The following CATSPER3 variants were observed in gnomAD, a reference collection of about 807,000 sequenced individuals.
The protein encoded by CATSPER3 is cation channel sperm associated 3, also known as cation channel sperm-associated protein 3.
Under a neutral mutation model 36.6 loss-of-function variants are expected in CATSPER3, and 23 were observed. The observed-to-expected ratio is 0.63, with a 90% CI of 0.45 to 0.89. The LOEUF is 0.89. Among genes scored for constraint, CATSPER3 ranks in the 40% least tolerant of loss-of-function variants. CATSPER3 has a pLI of 0.00. For synonymous variants in CATSPER3, 172 were observed against 184.1 expected (o/e 0.93, Z 0.53); for missense variants, 474 against 503.9 (o/e 0.94, Z 0.57).
At chr5:134,978,992 G>A in intron 2 of CATSPER3, among the ~76,000 whole-genome samples, 1 of 152,116 alleles carries the variant, frequency 6.6e-6, no homozygotes, top group East Asian at 1.9e-4. Flanking sequence ...AAAGTGCTGG[G>A]ATTACAGGCA....
chr5:134,982,733 T>C (rs1444749064), intron 2 of CATSPER3, among the ~76,000 whole-genome samples: 1 of 152,208 alleles, frequency 6.6e-6, no homozygotes, highest in Non-Finnish European at 1.5e-5. Context: ...GACAGTAACT[T>C]GAACTCATAC....
At chr5:134,968,181 G>A in intron 1 of CATSPER3, 92 bp downstream of exon 1, 3 of 888,712 alleles carry the variant, frequency 3.4e-6, no homozygotes, top group Non-Finnish European at 5.6e-6. Flanking sequence ...TCTTCCCTCA[G>A]ATACTCGTCT....
intron 3 of CATSPER3, among the ~76,000 whole-genome samples, chr5:135,004,904 G>A (rs978256638): frequency 2.0e-5 from 3 of 152,152 alleles, no homozygotes; most frequent in African/African-American, 4.8e-5. Flanking sequence ...TCTTGGAGAG[G>A]GGAACTGGGT....
chr5:135,008,721 AT>A (rs1752122462), intron 4 of CATSPER3, 119 bp from the exon 5 acceptor site: 2 of 806,146 alleles, frequency 2.5e-6, no homozygotes, highest in Middle Eastern at 3.2e-4. Context: ...TGTTGAGGGG[AT>A]GACGTGGAAG....
At chr5:134,994,294 G>GAT (rs1294667260) in intron 2 of CATSPER3, among the ~76,000 whole-genome samples, 2 of 152,160 alleles carry the variant, frequency 1.3e-5, no homozygotes, top group African/African-American at 4.8e-5. Flanking sequence ...CAAAAGATTA[G>GAT]AAACAGGCAA....
chr5:134,972,507 A>AAAAT (rs1751619425), intron 2 of CATSPER3, among the ~76,000 whole-genome samples: 1 of 152,210 alleles, frequency 6.6e-6, no homozygotes, highest in Non-Finnish European at 1.5e-5. Context: ...AATAAAGACT[A>AAAAT]AAATAGACTA....
intron 2 of CATSPER3, among the ~76,000 whole-genome samples, chr5:134,972,625 G>T (rs937046962): frequency 1.3e-5 from 2 of 152,092 alleles, no homozygotes; most frequent in African/African-American, 4.8e-5. Context: ...AAGAGAAAAT[G>T]ATGAACATCG....
intron 2 of CATSPER3, among the ~76,000 whole-genome samples, chr5:134,970,985 T>C (rs1300094239): frequency 1.3e-5 from 2 of 152,034 alleles, no homozygotes; most frequent in Non-Finnish European, 2.9e-5. Flanking sequence ...AGTCTCGCTC[T>C]GTCACCCAGG....
At chr5:135,002,769 T>C (rs1390989800) in intron 3 of CATSPER3, among the ~76,000 whole-genome samples, 11 of 152,234 alleles carry the variant, frequency 7.2e-5, no homozygotes, top group Non-Finnish European at 1.3e-4. Flanking sequence ...TGTGCATGCA[T>C]CGCGTAGTTC....
intron 2 of CATSPER3, among the ~76,000 whole-genome samples, chr5:134,985,442 G>A (rs1751796830): frequency 6.6e-6 from 1 of 152,148 alleles, no homozygotes; most frequent in Non-Finnish European, 1.5e-5. Context: ...TCAGAAGGGG[G>A]AGGTTGGGAG....
intron 3 of CATSPER3, among the ~76,000 whole-genome samples, chr5:135,002,685 C>T (rs1044275914): frequency 1.1e-4 from 16 of 152,168 alleles, no homozygotes; most frequent in South Asian, 2.1e-4. Context: ...CTAAACTTCT[C>T]GCTTCATTTC....
At chr5:135,005,287 G>A (rs1752072393) in intron 3 of CATSPER3, among the ~76,000 whole-genome samples, 1 of 152,168 alleles carries the variant, frequency 6.6e-6, no homozygotes, top group Non-Finnish European at 1.5e-5. Context: ...TTTGGCCCTT[G>A]CAGGCATGCA....
chr5:134,970,041 G>C lies in CATSPER3; in HGVS notation c.201G>C (p.Met67Ile). Reference protein sequence around the residue: ...ISTVTSNAFFMALWTSYDIRY... With the variant: ...ISTVTSNAFFIALWTSYDIRY... ...CTGTCACATCGAATGCGTTTTTTAT[G>C]GCCTTGTGGACCAGTTATGACATAA... Residue 67 changes from methionine (M) to isoleucine (I), a missense_variant, in exon 2 of 8, where the codon ATG becomes ATC. Physicochemically the swap from Met to Ile is conservative, Grantham distance 10 (BLOSUM62 1). Coordinates refer to ENST00000282611, the MANE Select transcript of CATSPER3 (RefSeq NM_178019.3). 1 of 1,613,870 alleles carries C rather than the reference G, an allele frequency of 6.2e-7. No homozygotes were observed. The highest frequency in any genetic ancestry group is 8.5e-7 in the Non-Finnish European group (1 of 1,179,910).
chr5:134,988,441 A>C (rs962087251), intron 2 of CATSPER3, among the ~76,000 whole-genome samples: 1 of 152,250 alleles, frequency 6.6e-6, no homozygotes, highest in Non-Finnish European at 1.5e-5. Flanking sequence ...ACTTCTTTCA[A>C]AGTTGAAGCC....
intron 2 of CATSPER3, 100 bp downstream of exon 2, chr5:134,970,192 C>A: frequency 8.5e-7 from 1 of 1,179,684 alleles, no homozygotes; most frequent in Non-Finnish European, 1.2e-6. Context: ...CAGAATCTCA[C>A]TCTGTCAGGC....
At chr5:134,972,927 C>T (rs78074828) in intron 2 of CATSPER3, among the ~76,000 whole-genome samples, 5,595 of 151,838 alleles carry the variant, frequency 0.037, 164 homozygotes, top group African/African-American at 0.089. Context: ...AGAAGATAAT[C>T]ACTTATCATC....
At chr5:134,972,176 A>G (rs1751615604) in intron 2 of CATSPER3, among the ~76,000 whole-genome samples, 1 of 152,228 alleles carries the variant, frequency 6.6e-6, no homozygotes, top group Non-Finnish European at 1.5e-5. Flanking sequence ...CACTGACGTG[A>G]CACTCAAAGG....
intron 2 of CATSPER3, among the ~76,000 whole-genome samples, chr5:134,992,495 C>T (rs754414644): frequency 4.6e-5 from 7 of 152,062 alleles, no homozygotes; most frequent in Non-Finnish European, 7.4e-5. Context: ...AAGGCCGAAG[C>T]GGGTGGATCA....
At chr5:134,978,745 A>T (rs1206759276) in intron 2 of CATSPER3, among the ~76,000 whole-genome samples, 2 of 150,626 alleles carry the variant, frequency 1.3e-5, no homozygotes, top group African/African-American at 4.9e-5. Flanking sequence ...TTTGAGACAG[A>T]GTCTTGCTCT....
Sources: gnomAD v4.1 joint callset for allele counts (sites outside exome capture counted in the v4.1 genomes callset) on GRCh38, gnomAD v4.1.1 for gene constraint, MANE v1.5 for transcripts, NCBI Gene and HGNC (gene_info 2026-07-23, HGNC 2026-07-21) for gene names.